MBD5: variants seen among roughly 807,000 people sequenced by gnomAD.
The protein encoded by MBD5 is methyl-CpG binding domain protein 5, also known as methyl-CpG-binding domain protein 5.
MBD5 carries 13 observed loss-of-function variants against 117.3 expected under a neutral mutation model. The observed-to-expected ratio is 0.11, with a 90% CI of 0.07 to 0.18. MBD5 has a LOEUF of 0.18. Among genes scored for constraint, MBD5 ranks in the 10% least tolerant of loss-of-function variants. MBD5 has a pLI of 1.00. For synonymous variants in MBD5, 727 were observed against 766.4 expected (o/e 0.95, Z 0.85); for missense variants, 1,879 against 2,093.8 (o/e 0.90, Z 2.00).
intron 4 of MBD5, among the ~76,000 whole-genome samples, chr2:148,390,443 A>G (rs989139342): frequency 2.0e-5 from 3 of 150,558 alleles, no homozygotes; most frequent in Non-Finnish European, 4.4e-5. Flanking sequence ...ATATGTGTGT[A>G]TATATGTAAG....
At chr2:148,026,766 A>C (rs1465160904) in intron 1 of MBD5, 1 of 152,142 alleles carries the variant, frequency 6.6e-6, no homozygotes, top group African/African-American at 2.4e-5. Flanking sequence ...CTACAAAATC[A>C]AAATAGTAGC....
intron 8 of MBD5, among the ~76,000 whole-genome samples, chr2:148,477,404 C>T (rs1681003601): frequency 6.6e-6 from 1 of 152,062 alleles, no homozygotes. Flanking sequence ...ACAAAGTAGC[C>T]TCTAGTCCCT....
chr2:148,509,567 C>T (rs1323462217), intron 12 of MBD5, among the ~76,000 whole-genome samples: 1 of 152,242 alleles, frequency 6.6e-6, no homozygotes, highest in East Asian at 1.9e-4. Flanking sequence ...ACCGGCATTT[C>T]AGCCTTCACT....
At chr2:148,288,510 T>A (rs539119112) in intron 3 of MBD5, among the ~76,000 whole-genome samples, 5 of 151,646 alleles carry the variant, frequency 3.3e-5, no homozygotes, top group Non-Finnish European at 5.9e-5. Context: ...GCATGAATCA[T>A]ATTCTACTAT....
At chr2:148,131,658 T>C (rs1261306497) in intron 1 of MBD5, among the ~76,000 whole-genome samples, 1 of 152,184 alleles carries the variant, frequency 6.6e-6, no homozygotes, top group African/African-American at 2.4e-5. Flanking sequence ...TATGCTACTG[T>C]GCTCCAGTCT....
chr2:148,272,065 T>A (rs1260244668), intron 3 of MBD5, among the ~76,000 whole-genome samples: 1 of 152,204 alleles, frequency 6.6e-6, no homozygotes, highest in Non-Finnish European at 1.5e-5. Flanking sequence ...CTAGCTTATT[T>A]CACTTAACAT....
intron 10 of MBD5, among the ~76,000 whole-genome samples, chr2:148,486,797 G>A (rs1681354090): frequency 6.6e-6 from 1 of 152,204 alleles, no homozygotes; most frequent in African/African-American, 2.4e-5. Flanking sequence ...GATACCCACT[G>A]CTGACAAGGG....
chr2:148,150,483 C>T (rs913799979), intron 1 of MBD5, among the ~76,000 whole-genome samples: 2 of 152,102 alleles, frequency 1.3e-5, no homozygotes, highest in African/African-American at 4.8e-5. Flanking sequence ...TGAAGAAAGT[C>T]ATTGGTAGCT....
chr2:148,116,317 A>G (rs1470615917), intron 1 of MBD5, among the ~76,000 whole-genome samples: 2 of 152,144 alleles, frequency 1.3e-5, no homozygotes, highest in Non-Finnish European at 1.5e-5. Context: ...GATGTCTGCC[A>G]GAGTCCTGTA....
chr2:148,406,436 C>G (rs1417538431), intron 4 of MBD5, among the ~76,000 whole-genome samples: 1 of 152,156 alleles, frequency 6.6e-6, no homozygotes, highest in Non-Finnish European at 1.5e-5. Flanking sequence ...AAAATTTCAT[C>G]AGATTGTCAG....
In MBD5 at chr2:148,087,669, G is replaced by A. The variant is rs185141317; in HGVS notation, c.-925+65985G>A. 2.0e-5 allele frequency among the ~76,000 whole-genome samples: 3 copies of A among 152,282 alleles called. No individual in the cohort carries two copies. In the East Asian group the frequency reaches 5.8e-4, roughly 29 times the overall value. ...AGCCCCATTCCTAGGACAAAAGGGA[G>A]TGCACCATATCAAGGGATTGCCCCA... is the stretch of plus-strand genomic sequence containing the variant. On this transcript the variant is annotated intron_variant, in intron 1 of 13. Transcript: ENST00000642680.
At chr2:148,353,874 C>G (rs1703305977) in intron 4 of MBD5, among the ~76,000 whole-genome samples, 1 of 152,116 alleles carries the variant, frequency 6.6e-6, no homozygotes, top group Admixed American at 6.6e-5. Flanking sequence ...AGCCACCATG[C>G]CCATCCTTTA....
At chr2:148,316,465 A>G (rs13397712) in intron 3 of MBD5, among the ~76,000 whole-genome samples, 1 of 152,158 alleles carries the variant, frequency 6.6e-6, no homozygotes, top group Admixed American at 6.5e-5. Flanking sequence ...ATGCAATCTC[A>G]TATCCTCAGC....
intron 1 of MBD5, among the ~76,000 whole-genome samples, chr2:148,157,110 G>A (rs765703393): frequency 5.3e-5 from 8 of 151,980 alleles, no homozygotes; most frequent in Non-Finnish European, 1.5e-5. Flanking sequence ...CAAAACATCT[G>A]TTCATTTTTG....
rs111482905 is a variant in MBD5 at position 148,292,307 on chromosome 2, A to G, written c.-679-49907A>G. On this transcript the variant is annotated intron_variant, in intron 3 of 13. Coordinates refer to ENST00000642680, the MANE Select transcript of MBD5 (RefSeq NM_001378120.1). Reference sequence around the variant, plus strand: ...AACAGAATGGGAGAAAATATTTGCAAACTACCTATCTGACAAAGGATTAAT... The same window carrying G: ...AACAGAATGGGAGAAAATATTTGCAGACTACCTATCTGACAAAGGATTAAT... 3.6e-3 allele frequency among the ~76,000 whole-genome samples: 550 copies of G among 152,352 alleles called. 3 individuals are homozygous for G. The highest frequency in any genetic ancestry group is 0.012 in the African/African-American group (510 of 41,592).
intron 1 of MBD5, among the ~76,000 whole-genome samples, chr2:148,158,523 A>G (rs904392552): frequency 5.9e-5 from 9 of 152,212 alleles, no homozygotes; most frequent in African/African-American, 2.2e-4. Flanking sequence ...GAGCCAGGAC[A>G]AGAGAAAACG....
chr2:148,376,302 C>A (rs188733833), intron 4 of MBD5, among the ~76,000 whole-genome samples: 23 of 139,280 alleles, frequency 1.7e-4, no homozygotes, highest in African/African-American at 6.4e-4. Flanking sequence ...GAGTCTCACT[C>A]TGTCGCCCAG....
At position 148,386,588 on chromosome 2, in the gene MBD5, G is replaced by T. The variant is rs1450249475; in HGVS notation, c.-557+44252G>T. ...AAAAAAATTAGCCGGGCGTAGTGGC[G>T]GGCGCCTGTAGTCCCAGCTACTTGG... On this transcript the variant is annotated intron_variant, in intron 4 of 13. Coordinates refer to ENST00000642680, the MANE Select transcript of MBD5 (RefSeq NM_001378120.1). Among the ~76,000 whole-genome samples the T allele has an allele frequency of 2.7e-5, 4 of 150,136 alleles. No individual in the cohort carries two copies. The East Asian group carries it at 7.8e-4, about 29-fold the overall frequency.
chr2:148,495,153 A>G (rs1038766542), intron 11 of MBD5, among the ~76,000 whole-genome samples: 2 of 152,114 alleles, frequency 1.3e-5, no homozygotes, highest in Admixed American at 1.3e-4. Flanking sequence ...TCACTTCCAG[A>G]TCTTGGCGTA....
Sources: allele counts gnomAD v4.1 joint callset (sites outside exome capture counted in the v4.1 genomes callset), GRCh38; gene constraint gnomAD v4.1.1; transcripts MANE v1.5; gene names NCBI Gene and HGNC (gene_info 2026-07-23, HGNC 2026-07-21).